AHI1: variants seen among roughly 807,000 people sequenced by gnomAD.
AHI1 encodes the protein Abelson helper integration site 1, also known as jouberin.
In AHI1, 123 loss-of-function variants were observed where a neutral mutation model predicts 149.3. The observed-to-expected ratio is 0.82, with a 90% CI of 0.71 to 0.96. The LOEUF is 0.96. AHI1 is among the 40% of genes least tolerant of loss of function. The pLI is 0.00. For synonymous variants in AHI1, 475 were observed against 459.8 expected (o/e 1.03, Z -0.42); for missense variants, 1,439 against 1,422.7 (o/e 1.01, Z -0.18).
chr6:135,431,423 G>A (rs1784646081), intron 16 of AHI1, 109 bp from the exon 17 acceptor site: 3 of 570,502 alleles, frequency 5.3e-6, no homozygotes, highest in Non-Finnish European at 8.4e-6. Context: ...AAGAATTGAA[G>A]GGCTATTAAA....
chr6:135,302,744 T>C (rs1048004860), intron 26 of AHI1: 8 of 1,285,022 alleles, frequency 6.2e-6, no homozygotes, highest in Non-Finnish European at 8.1e-6. Flanking sequence ...GCACGTCATA[T>C]AGGTAGTTAC....
At chr6:135,355,468 G>A (rs1792802847) in intron 24 of AHI1, among the ~76,000 whole-genome samples, 1 of 152,064 alleles carries the variant, frequency 6.6e-6, no homozygotes. Context: ...GGACAGAGGT[G>A]GTTTTGTTCT....
At chr6:135,484,018 TCCACA>T (rs1417901331) in intron 5 of AHI1, among the ~76,000 whole-genome samples, 147 of 152,272 alleles carry the variant, frequency 9.7e-4, no homozygotes, top group African/African-American at 3.3e-3. Flanking sequence ...GACTTAAAGT[TCCACA>T]TGGCTGTGGC....
In AHI1 at chr6:135,447,607, CA is replaced by C. The variant is rs1366820030; in HGVS notation, c.1627-448del. ...CCAATGCAAATCAGCCCTGTGGTGA[CA>C]GTACATATCAGCTACAGAACGTGCA... On this transcript the variant is annotated intron_variant, in intron 12 of 28. Transcript: ENST00000265602. Among the ~76,000 whole-genome samples the C allele has an allele frequency of 2.0e-5, 3 of 152,242 alleles. No homozygotes were observed. The East Asian group carries it at 5.8e-4, about 29-fold the overall frequency.
intron 13 of AHI1, among the ~76,000 whole-genome samples, chr6:135,443,189 C>A (rs1018827574): frequency 6.6e-6 from 1 of 152,144 alleles, no homozygotes; most frequent in Non-Finnish European, 1.5e-5. Context: ...CCTTTTGTGG[C>A]TGCCTTCCAA....
intron 15 of AHI1, among the ~76,000 whole-genome samples, chr6:135,433,548 G>A (rs1784958587): frequency 1.3e-5 from 2 of 151,878 alleles, no homozygotes; most frequent in Admixed American, 1.3e-4. Context: ...TTTTGCTGTT[G>A]GTTAAACACA....
At chr6:135,482,804 G>A (rs569126294) in intron 5 of AHI1, among the ~76,000 whole-genome samples, 21 of 150,710 alleles carry the variant, frequency 1.4e-4, no homozygotes, top group Admixed American at 2.6e-4. Context: ...TATTGTTGGT[G>A]GCTGGATTTT....
intron 24 of AHI1, among the ~76,000 whole-genome samples, chr6:135,356,910 A>G (rs1488268207): frequency 1.3e-5 from 2 of 152,182 alleles, no homozygotes; most frequent in Non-Finnish European, 2.9e-5. Flanking sequence ...TATATTAATC[A>G]TCAACACAAT....
intron 23 of AHI1, chr6:135,388,173 A>G: frequency 3.4e-6 from 3 of 888,004 alleles, no homozygotes; most frequent in Non-Finnish European, 5.1e-6. Context: ...TACAATAGTG[A>G]ATTAATGCCT....
Position 135,331,781 on chromosome 6 carries a change from G to A in AHI1, c.3166-8457C>T, listed in dbSNP as rs556502860. ...TTCAATTGGGCCCATAATCATTTGG[G>A]AACTTCTCTGTGCCAGTCTAATAAG... is the stretch of plus-strand genomic sequence containing the variant. On this transcript the variant is annotated intron_variant, in intron 24 of 28. Coordinates refer to ENST00000265602, the MANE Select transcript of AHI1 (RefSeq NM_001134831.2). 4.2e-4 allele frequency among the ~76,000 whole-genome samples: 64 copies of A among 152,216 alleles called. 1 individual carries two copies. The highest frequency in any genetic ancestry group is 1.4e-3 in the African/African-American group (59 of 41,528).
At position 135,446,501 on chromosome 6, in the gene AHI1, T is replaced by C. The variant is rs1011967610; in HGVS notation, c.1779+507A>G. Among the ~76,000 whole-genome samples the C allele has an allele frequency of 1.1e-4, 16 of 152,196 alleles. 1 individual carries two copies. Among genetic ancestry groups the C allele is most frequent in the Non-Finnish European group, 4.4e-5 (3 of 68,032 alleles). ...AATCCCCTATGTGATAGTATTTAGA[T>C]GTGGGGGTCTTTGGGAGGTAATTTG... On this transcript the variant is annotated intron_variant, in intron 13 of 28. Coordinates refer to ENST00000265602, the MANE Select transcript of AHI1 (RefSeq NM_001134831.2).
rs1013826362 is a variant in AHI1, at chr6:135,296,825, C to T, written c.3485+3675G>A. On this transcript the variant is annotated intron_variant, in intron 27 of 28. Transcript: ENST00000265602. Reference sequence around the variant, plus strand: ...TTTTTTATCTGTTTACTGCTGTACCCTCAGTGCCTAGAACACTGTGTGTGA... The same window carrying T: ...TTTTTTATCTGTTTACTGCTGTACCTTCAGTGCCTAGAACACTGTGTGTGA... Among the ~76,000 whole-genome samples the T allele has an allele frequency of 2.6e-5, 4 of 152,334 alleles. No individual in the cohort carries two copies. The East Asian group carries it at 5.8e-4, about 22-fold the overall frequency.
At chr6:135,389,606 T>A (rs1224745953) in intron 23 of AHI1, among the ~76,000 whole-genome samples, 1 of 152,198 alleles carries the variant, frequency 6.6e-6, no homozygotes, top group Non-Finnish European at 1.5e-5. Flanking sequence ...ATCACCACAC[T>A]GTAAGTTTAC....
At chr6:135,486,179 A>G (rs1794443099) in intron 5 of AHI1, among the ~76,000 whole-genome samples, 2 of 152,222 alleles carry the variant, frequency 1.3e-5, no homozygotes, top group African/African-American at 4.8e-5. Flanking sequence ...TACGATGAAA[A>G]GACATCTTCC....
At position 135,430,007 on chromosome 6, in the gene AHI1, T is replaced by C. The variant is rs1322672986; in HGVS notation, c.2374-7A>G. 1 of 1,459,770 alleles carries C rather than the reference T, an allele frequency of 6.9e-7. No individual in the cohort carries two copies. The highest frequency in any genetic ancestry group is 1.3e-5 in the South Asian group (1 of 76,636). 90.4% of individuals were successfully genotyped at this position (1,459,770 alleles called of 1,614,324 possible). A position where few individuals can be genotyped will look rare whatever the true frequency, so the allele number is the denominator to read the frequency against. On this transcript the variant is annotated splice_polypyrimidine_tract_variant and splice_region_variant and intron_variant, in intron 17 of 28. Transcript: ENST00000265602. ...ACTCAGTTTCTTTAATTTCCTAAAA[T>C]GATTAAAAAAAATACTACTACTGAA...
At chr6:135,376,877 A>G in intron 23 of AHI1, among the ~76,000 whole-genome samples, 1 of 101,960 alleles carries the variant, frequency 9.8e-6, no homozygotes. Context: ...GCGAGACTCC[A>G]TCTCAAAAAA....
intron 8 of AHI1, 38 bp downstream of exon 8, chr6:135,463,087 C>A: frequency 6.7e-7 from 1 of 1,501,784 alleles, no homozygotes; most frequent in Non-Finnish European, 9.0e-7. Flanking sequence ...TTATTTCTAC[C>A]AACATACACA....
intron 5 of AHI1, among the ~76,000 whole-genome samples, chr6:135,484,857 G>T (rs1480982328): frequency 6.6e-6 from 1 of 151,864 alleles, no homozygotes; most frequent in African/African-American, 2.4e-5. Flanking sequence ...TATTTGGGAG[G>T]TCTTTTATCC....
intron 24 of AHI1, among the ~76,000 whole-genome samples, chr6:135,340,724 A>G (rs1262277463): frequency 7.3e-6 from 1 of 137,766 alleles, no homozygotes; most frequent in African/African-American, 2.6e-5. Context: ...TTTTCTCTCC[A>G]TCTAATTAAA....
Sources: gnomAD v4.1 joint callset for allele counts (sites outside exome capture counted in the v4.1 genomes callset) on GRCh38, gnomAD v4.1.1 for gene constraint, MANE v1.5 for transcripts, NCBI Gene and HGNC (gene_info 2026-07-23, HGNC 2026-07-21) for gene names.